The following PIK3R6 variants were observed in gnomAD, a reference collection of about 807,000 sequenced individuals.
PIK3R6 encodes the protein phosphoinositide 3-kinase regulatory subunit 6.
Under a neutral mutation model 84.9 loss-of-function variants are expected in PIK3R6, and 91 were observed. The observed-to-expected ratio is 1.07, with a 90% CI of 0.90 to 1.28. The LOEUF (loss-of-function observed/expected upper bound fraction) is 1.28. Ranked by LOEUF, PIK3R6 falls within the 50% of genes most tolerant of loss-of-function variation. PIK3R6 has a pLI of 0.00. For missense variants in PIK3R6, 996 were observed against 985.1 expected (o/e 1.01, Z -0.15); for synonymous variants, 416 against 411.4 (o/e 1.01, Z -0.13).
rs1302213273 is a variant in PIK3R6, at chr17:8,848,733, C to T, written c.13+1049G>A. Among the ~76,000 whole-genome samples, 3 of 152,182 alleles carry T rather than the reference C, an allele frequency of 2.0e-5. No individual in the cohort carries two copies. In the East Asian group the frequency reaches 5.8e-4, roughly 29 times the overall value. ...CATTCCGAGCCTCCCACCCCAAACC[C>T]CAGCTGGTTACAGATGACCCAGAAT... On this transcript the variant is annotated intron_variant, in intron 2 of 19. Coordinates refer to ENST00000619866, the MANE Select transcript of PIK3R6 (RefSeq NM_001010855.4).
rs186711870 is a variant in PIK3R6 at position 8,804,202 on chromosome 17, G to A, written c.1996-49C>T. 2.5e-3 allele frequency: 3,700 copies of A among 1,500,684 alleles called. 20 individuals are homozygous for A. Among genetic ancestry groups the A allele is most frequent in the Middle Eastern group, 0.021 (125 of 5,838 alleles). The allele number at this position is 1,500,684 out of a possible 1,614,324, so 93.0% of individuals were successfully genotyped here. On this transcript the variant is annotated intron_variant, in intron 18 of 19. Coordinates refer to ENST00000619866, the MANE Select transcript of PIK3R6 (RefSeq NM_001010855.4). ...TGAGTGTTGCCTTTGCTCGACAGGT[G>A]GCCCTGCCAACATGCCCTACCCTGG...
chr17:8,840,651 T>C (rs1188830282), intron 2 of PIK3R6, among the ~76,000 whole-genome samples: 1 of 147,574 alleles, frequency 6.8e-6, no homozygotes, highest in Non-Finnish European at 1.5e-5. Flanking sequence ...ATATATATCC[T>C]CCAAATATAT....
chr17:8,826,973 T>A (rs113169107), intron 13 of PIK3R6, among the ~76,000 whole-genome samples, 199 bp downstream of exon 13: 9 of 152,200 alleles, frequency 5.9e-5, no homozygotes, highest in African/African-American at 2.2e-4. Context: ...ACTATCTGGT[T>A]AGGGCCCCTG....
In PIK3R6 at chr17:8,803,629, T is replaced by G. The variant is rs1234820815; in HGVS notation, c.2109-200A>C. ...GGGGTTCACCGGGAGAGGAGACACT[T>G]GGAGCAAGTAACTCTGCGCATGCCT... On this transcript the variant is annotated intron_variant, in intron 19 of 19. Transcript: ENST00000619866. The surrounding 1 kb of genome is among the most constrained non-coding windows in gnomAD (Gnocchi z 5.0). 8.5e-6 allele frequency: 5 copies of G among 585,508 alleles called. No homozygotes were observed. The African/African-American group carries it at 9.4e-5, about 11-fold the overall frequency. The allele number at this position is 585,508 out of a possible 1,614,324, so 36.3% of individuals were successfully genotyped here. A position where few individuals can be genotyped will look rare whatever the true frequency, so the allele number is the denominator to read the frequency against.
intron 1 of PIK3R6, among the ~76,000 whole-genome samples, chr17:8,857,194 G>A (rs145431110): frequency 2.6e-5 from 4 of 152,270 alleles, no homozygotes; most frequent in Non-Finnish European, 4.4e-5. Context: ...ATTAGAATGC[G>A]AACTCGGCAA....
rs1459802973 is a variant in PIK3R6, at chr17:8,822,625, C to T, written c.1750G>A (p.Glu584Lys). The T allele has an allele frequency of 6.2e-7, 1 of 1,613,914 alleles. No homozygotes were observed. The highest frequency in any genetic ancestry group is 8.5e-7 in the Non-Finnish European group (1 of 1,179,902). The change falls in exon 16 of 20, where the codon GAG (glutamate) becomes AAG (lysine). Residue 584 changes from glutamate (E) to lysine (K), a missense_variant. Glu to Lys is a moderately conservative substitution (Grantham distance 56). Coordinates refer to ENST00000619866, the MANE Select transcript of PIK3R6 (RefSeq NM_001010855.4). Reference protein sequence around the residue: ...GFSPRRRGVAEGPGAELSLCY... With the variant: ...GFSPRRRGVAKGPGAELSLCY... ...AGGGAGAGCTCTGCCCCTGGGCCCT[C>T]AGCCACGCCTCTCCTCCTGGGTGAA...
chr17:8,845,942 A>C (rs1437924222), intron 2 of PIK3R6, among the ~76,000 whole-genome samples: 1 of 152,246 alleles, frequency 6.6e-6, no homozygotes. Flanking sequence ...GTCTCAAAAA[A>C]TCAAAACAAA....
At chr17:8,823,902 C>T (rs977741896) in intron 13 of PIK3R6, among the ~76,000 whole-genome samples, 22 of 152,158 alleles carry the variant, frequency 1.4e-4, no homozygotes, top group African/African-American at 4.8e-4. Flanking sequence ...CCCGAGTGTC[C>T]TTCTACAGAA....
chr17:8,864,570 ACT>A (rs1454194231), intron 1 of PIK3R6, among the ~76,000 whole-genome samples: 2 of 109,642 alleles, frequency 1.8e-5, no homozygotes, highest in African/African-American at 7.5e-5. Context: ...ACAGAGTCTC[ACT>A]CTGTCGCCAG....
In PIK3R6 at chr17:8,849,862, T is replaced by G. The variant is rs377025709; in HGVS notation, c.-68A>C. On this transcript the variant is annotated 5_prime_UTR_variant, in exon 2 of 20. Transcript: ENST00000619866. ...GGCAGCAGAATAGAGAACAAGGTGG[T>G]TGCTTTTCTGCACAGAGGTGGTTCT... 1.3e-5 allele frequency: 20 copies of G among 1,585,746 alleles called. No individual in the cohort carries two copies. Among genetic ancestry groups the G allele is most frequent in the Non-Finnish European group, 1.6e-5 (19 of 1,165,428 alleles).
intron 2 of PIK3R6, among the ~76,000 whole-genome samples, chr17:8,840,164 A>C (rs1436846840): frequency 1.1e-5 from 1 of 92,620 alleles, no homozygotes; most frequent in African/African-American, 4.6e-5. Flanking sequence ...ATATATATGA[A>C]ATATAGCCTC....
rs1005820523 is a variant in PIK3R6 at position 8,842,285 on chromosome 17, C to G, written c.14-2588G>C. On this transcript the variant is annotated intron_variant, in intron 2 of 19. Transcript: ENST00000619866. The surrounding 1 kb of genome is among the most constrained non-coding windows in gnomAD (Gnocchi z 4.5). ...GTGAAATCCATCACTTTCTGCTGAG[C>G]CACGCCTCCCAGCCAAAATACACGG... Among the ~76,000 whole-genome samples, 1 of 152,146 alleles carries G rather than the reference C, an allele frequency of 6.6e-6. No homozygotes were observed. The highest frequency in any genetic ancestry group is 6.5e-5 in the Admixed American group (1 of 15,268).
intron 1 of PIK3R6, among the ~76,000 whole-genome samples, chr17:8,858,116 C>G (rs562667445): frequency 3.9e-4 from 59 of 152,218 alleles, no homozygotes; most frequent in African/African-American, 1.4e-3. Context: ...GGGCTGCTGA[C>G]CACACCAGTG....
intron 1 of PIK3R6, among the ~76,000 whole-genome samples, chr17:8,850,710 G>GAACA (rs1198030860): frequency 8.6e-5 from 13 of 152,026 alleles, no homozygotes; most frequent in South Asian, 4.2e-4. Flanking sequence ...GAAAACAAGC[G>GAACA]AACAAACAAA....
intron 1 of PIK3R6, among the ~76,000 whole-genome samples, chr17:8,852,642 G>C (rs1166833235): frequency 1.3e-5 from 2 of 151,870 alleles, no homozygotes; most frequent in Non-Finnish European, 2.9e-5. Context: ...GGGAGGCTGA[G>C]GTAGGAGAAT....
chr17:8,817,675 C>A (rs1291654237), intron 18 of PIK3R6, among the ~76,000 whole-genome samples: 1 of 151,918 alleles, frequency 6.6e-6, no homozygotes, highest in Non-Finnish European at 1.5e-5. Flanking sequence ...AAAACAAAAA[C>A]ATTATTTTAA....
rs1597368684 is a variant in PIK3R6 at position 8,803,234 on chromosome 17, T to C, written c.*39A>G. 5 of 1,608,932 alleles carry C rather than the reference T, an allele frequency of 3.1e-6. No individual in the cohort carries two copies. The highest frequency in any genetic ancestry group is 1.3e-5 in the African/African-American group (1 of 74,634). On this transcript the variant is annotated 3_prime_UTR_variant, in exon 20 of 20. Coordinates refer to ENST00000619866, the MANE Select transcript of PIK3R6 (RefSeq NM_001010855.4). The surrounding 1 kb of genome is among the most constrained non-coding windows in gnomAD (Gnocchi z 5.0). ...GTGTGAGTGTTTGGAGTTGGTGGGG[T>C]AGTGTATCCTTCCTCCTGGGCCTGC... is the stretch of plus-strand genomic sequence containing the variant.
intron 18 of PIK3R6, among the ~76,000 whole-genome samples, chr17:8,815,215 G>T (rs1366037453): frequency 3.9e-5 from 6 of 151,954 alleles, no homozygotes; most frequent in African/African-American, 1.5e-4. Flanking sequence ...ATTTTTAGTT[G>T]CCATTGAATA....
chr17:8,849,827 G>T lies in PIK3R6; in HGVS notation c.-33C>A, dbSNP rs1312751742. The T allele has an allele frequency of 6.2e-7, 1 of 1,609,280 alleles. No individual in the cohort carries two copies. Among genetic ancestry groups the T allele is most frequent in the African/African-American group, 1.3e-5 (1 of 74,806 alleles). On this transcript the variant is annotated 5_prime_UTR_variant, in exon 2 of 20. Transcript: ENST00000619866. ...TTTGGGTGTAGGAGGAGGAGGATGT[G>T]GTTGTCTCGGGCAGCAGAATAGAGA...
Sources: gnomAD v4.1 joint callset for allele counts (sites outside exome capture counted in the v4.1 genomes callset) on GRCh38, gnomAD v4.1.1 for gene constraint, Gnocchi (gnomAD v3.1) non-coding constraint, MANE v1.5 for transcripts, NCBI Gene and HGNC (gene_info 2026-07-23, HGNC 2026-07-21) for gene names.